The following NFATC4 variants were observed in gnomAD, a reference collection of about 807,000 sequenced individuals.
NFATC4 encodes the protein nuclear factor of activated T-cells, cytoplasmic 4.
NFATC4 carries 25 observed loss-of-function variants against 73.4 expected under a neutral mutation model. The ratio of observed to expected loss-of-function variants is 0.34; its 90% CI spans 0.25 to 0.48. The LOEUF is 0.48. NFATC4 is among the 20% of genes least tolerant of loss of function. The pLI is 0.99. For missense variants in NFATC4, 1,130 were observed against 1,203.7 expected (o/e 0.94, Z 0.91); for synonymous variants, 523 against 510.3 (o/e 1.02, Z -0.34).
At chr14:24,367,467 G>A, upstream of NFATC4, 1 of 1,535,690 alleles carries the variant, frequency 6.5e-7, no homozygotes, top group Non-Finnish European at 8.7e-7. Flanking sequence ...GCCTGGCCTG[G>A]ATCTACGCCC....
intron 7 of NFATC4, 120 bp downstream of exon 7, chr14:24,375,835 G>A: frequency 6.5e-7 from 1 of 1,532,990 alleles, no homozygotes; most frequent in Non-Finnish European, 9.0e-7. Flanking sequence ...TGGCCATTCT[G>A]TAAGCAGGTG....
At chr14:24,368,981 A>G (rs1329932831) in intron 1 of NFATC4, 26 of 1,089,222 alleles carry the variant, frequency 2.4e-5, no homozygotes, top group Non-Finnish European at 2.9e-5. Flanking sequence ...CCCAGCACGC[A>G]TCACCCCCTC....
At position 24,372,511 on chromosome 14, in the gene NFATC4, G is replaced by A. The variant is rs150267620; in HGVS notation, c.1267G>A (p.Val423Ile). 6,462 of 1,614,014 alleles carry A rather than the reference G, an allele frequency of 4.0e-3. 29 individuals carry two copies. The highest frequency in any genetic ancestry group is 4.5e-3 in the Non-Finnish European group (5,342 of 1,180,022). Residue 423 changes from valine (V) to isoleucine (I), a missense_variant, in exon 3 of 10, where the codon GTA becomes ATA. Coordinates refer to ENST00000250373, the MANE Select transcript of NFATC4 (RefSeq NM_004554.5). ...QYEQLELRIE[V>I]QPRAHHRAHY... The stretch of plus-strand genomic sequence containing the variant: ...TGAGCAGCTGGAGCTGAGGATCGAG[G>A]TACAGCCTAGAGCCCACCACCGGGC...
At chr14:24,367,425 C>T (rs2042337154), upstream of NFATC4, 2 of 1,535,572 alleles carry the variant, frequency 1.3e-6, no homozygotes, top group African/African-American at 1.4e-5. Flanking sequence ...TTCACGGCCC[C>T]TCTGGGTGGC....
Position 24,377,379 on chromosome 14 carries a change from T to A in NFATC4, c.2642-259T>A. 7.3e-7 allele frequency: 1 copy of A among 1,362,030 alleles called. No homozygotes were observed. The highest frequency in any genetic ancestry group is 1.9e-5 in the South Asian group (1 of 53,968). 84.4% of individuals were successfully genotyped at this position (1,362,030 alleles called of 1,614,324 possible). A position where few individuals can be genotyped will look rare whatever the true frequency, so the allele number is the denominator to read the frequency against. ...CTGGCCCTGCTGATACCGATTCCCCTGACATTTCAGGCTAAGCCAGCAGGA... is the reference window on the plus strand; with the variant it reads ...CTGGCCCTGCTGATACCGATTCCCCAGACATTTCAGGCTAAGCCAGCAGGA... On this transcript the variant is annotated intron_variant, in intron 9 of 9. Transcript: ENST00000250373. This position sits in a 1 kb window ranked among gnomAD's most constrained non-coding sequence, Gnocchi z 4.2.
intron 1 of NFATC4, chr14:24,369,120 T>G: frequency 1.7e-5 from 24 of 1,418,640 alleles, no homozygotes; most frequent in Middle Eastern, 2.6e-4. Flanking sequence ...CCAGCGCCGT[T>G]TGGGGGTTTG....
chr14:24,376,613 T>G lies in NFATC4; in HGVS notation c.2376T>G (p.Tyr792Ter). Residue 792 changes from tyrosine (Y) to a stop codon, truncating the protein, a stop_gained, in exon 9 of 10, where the codon TAT becomes TAG. Coordinates refer to ENST00000250373, the MANE Select transcript of NFATC4 (RefSeq NM_004554.5). LOFTEE classifies it high-confidence loss of function. The surrounding 1 kb of genome is among the most constrained non-coding windows in gnomAD (Gnocchi z 5.0). ...FLPRPFPSDP[Y>*]GGRGSSFSLG... ...CCCGCCCCTTCCCTAGTGACCCGTATGGAGGGCGGGGCTCCTCTTTCTCCC... is the reference window on the plus strand; with the variant it reads ...CCCGCCCCTTCCCTAGTGACCCGTAGGGAGGGCGGGGCTCCTCTTTCTCCC... 6.2e-7 allele frequency: 1 copy of G among 1,613,840 alleles called. No individual in the cohort carries two copies.
Position 24,376,058 on chromosome 14 carries a change from G to T in NFATC4, c.2013G>T (p.Gly671=). Residue 671 remains glycine (G), a synonymous_variant, in exon 8 of 10, where the codon GGG becomes GGT. Transcript: ENST00000250373. The surrounding 1 kb of genome is among the most constrained non-coding windows in gnomAD (Gnocchi z 5.0). The part of the protein sequence containing the change: ...PVQVYFYVSN[G]RRKRSPTQSF... ...AGGTCTACTTTTATGTCTCCAATGGGCGGAGGAAACGCAGTCCTACCCAGA... is the reference window on the plus strand; with the variant it reads ...AGGTCTACTTTTATGTCTCCAATGGTCGGAGGAAACGCAGTCCTACCCAGA... The T allele has an allele frequency of 1.2e-6, 2 of 1,614,048 alleles. No individual in the cohort carries two copies. The highest frequency in any genetic ancestry group is 1.7e-6 in the Non-Finnish European group (2 of 1,179,972).
In NFATC4 at chr14:24,370,606, G is replaced by C. The variant is rs778422832; in HGVS notation, c.1196+12G>C. On this transcript the variant is annotated intron_variant, in intron 2 of 9. Transcript: ENST00000250373. ...AGCCCTATCTTCAGGTGAGGGTTGC[G>C]CCTGGCACTACCGCTCTCTCTAGCC... 6.3e-7 allele frequency: 1 copy of C among 1,596,524 alleles called. No individual in the cohort carries two copies. Among genetic ancestry groups the C allele is most frequent in the Non-Finnish European group, 8.6e-7 (1 of 1,167,226 alleles).
At position 24,369,948 on chromosome 14, in the gene NFATC4, G is replaced by C. The variant is rs746669832; in HGVS notation, c.550G>C (p.Asp184His). 11 of 1,612,964 alleles carry C rather than the reference G, an allele frequency of 6.8e-6. No homozygotes were observed. Among genetic ancestry groups the C allele is most frequent in the Non-Finnish European group, 9.3e-6 (11 of 1,179,978 alleles). The change falls in exon 2 of 10, where the codon GAT becomes CAT. Residue 184 changes from aspartate (D) to histidine (H), a missense_variant. Asp to His is a moderately conservative substitution (Grantham distance 81, BLOSUM62 -1). This residue lies in a region of NFATC4 where 585 missense variants were observed against 574.3 expected (regional missense o/e 1.02). Transcript: ENST00000250373. ...CCTGTCCTCGTGGAGCTTCTTCTCC[G>C]ATGCCTCTGACGAGGCAGCCCTGTA... The part of the protein sequence containing the change: ...SSLSSWSFFS[D>H]ASDEAALYAA...
chr14:24,369,284 A>C, intron 1 of NFATC4: 1 of 1,555,708 alleles, frequency 6.4e-7, no homozygotes, highest in Non-Finnish European at 8.6e-7. Context: ...CGGTCCTAGG[A>C]TCCAGGGGCC....
Position 24,370,236 on chromosome 14 carries a change from G to C in NFATC4, c.838G>C (p.Ala280Pro), listed in dbSNP as rs145126892. Residue 280 changes from alanine (A) to proline (P), a missense_variant, in exon 2 of 10, where the codon GCC becomes CCC. Coordinates refer to ENST00000250373, the MANE Select transcript of NFATC4 (RefSeq NM_004554.5). ...TTCCAGCTCGGGAACCCCATCTTCA[G>C]CCTCCCCAGCTCTGTCCCGCCGTGG... ...RYSSSGTPSS[A>P]SPALSRRGSL... 6.2e-7 allele frequency: 1 copy of C among 1,612,038 alleles called. No individual in the cohort carries two copies. Among genetic ancestry groups the C allele is most frequent in the Non-Finnish European group, 8.5e-7 (1 of 1,179,952 alleles).
At chr14:24,367,018 T>C (rs1594693598), upstream of NFATC4, 1 of 1,612,868 alleles carries the variant, frequency 6.2e-7, no homozygotes, top group Non-Finnish European at 8.5e-7. Flanking sequence ...AGACGCGGCC[T>C]CTAAGAGAGG....
At chr14:24,367,258 G>A (rs2042332889), upstream of NFATC4, 5 of 1,603,940 alleles carry the variant, frequency 3.1e-6, no homozygotes, top group Non-Finnish European at 4.3e-6. Flanking sequence ...GCCAAGGAGG[G>A]GGAAGAGGAG....
chr14:24,369,724 G>C lies in NFATC4; in HGVS notation c.326G>C (p.Arg109Pro), dbSNP rs770696760. The change falls in exon 2 of 10, where the codon CGT (arginine) becomes CCT (proline). Residue 109 changes from arginine (R) to proline (P), a missense_variant. Around this residue, in one of 3 missense-constraint regions of NFATC4, gnomAD observed 585 missense variants for 574.3 expected, o/e 1.02. Coordinates refer to ENST00000250373, the MANE Select transcript of NFATC4 (RefSeq NM_004554.5). ...GGGAGGAGGG[R>P]VLECPSIRIT... ...GGTGCTGGGGGTGCTGGGGGTGGCC[G>C]TGTTCTCGAGTGTCCCAGCATCCGC... 1 of 1,608,770 alleles carries C rather than the reference G, an allele frequency of 6.2e-7. No individual in the cohort carries two copies. Among genetic ancestry groups the C allele is most frequent in the South Asian group, 1.1e-5 (1 of 90,672 alleles).
intron 2 of NFATC4, among the ~76,000 whole-genome samples, chr14:24,371,270 CT>C (rs1453168239): frequency 6.6e-6 from 1 of 152,198 alleles, no homozygotes; most frequent in Non-Finnish European, 1.5e-5. Flanking sequence ...ACTGGTACCC[CT>C]GGGTTTCCCA....
chr14:24,368,477 G>C, intron 1 of NFATC4, 37 bp downstream of exon 1: 1 of 1,258,686 alleles, frequency 7.9e-7, no homozygotes, highest in Non-Finnish European at 1.0e-6. Context: ...TGGGGTCAGT[G>C]AGAGGAGGGC....
Position 24,375,722 on chromosome 14 carries a change from G to A in NFATC4, c.1929+7G>A. On this transcript the variant is annotated splice_region_variant and intron_variant, in intron 7 of 9. Transcript: ENST00000250373. The stretch of plus-strand genomic sequence containing the variant: ...CCGACTGCAGAGCAACGAGGTACCA[G>A]TGTCACTTGGATACCTCCTGGGGGG... 1 of 1,336,872 alleles carries A rather than the reference G, an allele frequency of 7.5e-7. No individual in the cohort carries two copies. The highest frequency in any genetic ancestry group is 1.0e-6 in the Non-Finnish European group (1 of 953,672). The allele number at this position is 1,336,872 out of a possible 1,614,324, so 82.8% of individuals were successfully genotyped here.
At chr14:24,375,591 T>C (rs1309984052) in intron 6 of NFATC4, 69 bp from the exon 7 acceptor site, 36 of 1,523,052 alleles carry the variant, frequency 2.4e-5, no homozygotes, top group Non-Finnish European at 2.9e-5. Context: ...GGAGGGGAAA[T>C]GGCAGAGAAC....
Sources: allele counts gnomAD v4.1 joint callset (sites outside exome capture counted in the v4.1 genomes callset), GRCh38; gene constraint gnomAD v4.1.1; regional missense constraint gnomAD v4.1.1; non-coding constraint Gnocchi (gnomAD v3.1); transcripts MANE v1.5; gene names NCBI Gene and HGNC (gene_info 2026-07-23, HGNC 2026-07-21).